PCDH10: variants seen among roughly 807,000 people sequenced by gnomAD.
PCDH10 encodes the protein protocadherin-10.
A neutral mutation model predicts 74.4 loss-of-function variants in PCDH10; 15 were observed. That is an observed-to-expected ratio of 0.20 (90% confidence interval 0.13 to 0.31). PCDH10 has a LOEUF of 0.31. Ranked by LOEUF, PCDH10 falls within the 10% of genes least tolerant of loss-of-function variation. The pLI, the probability that PCDH10 is intolerant of heterozygous loss-of-function variation, is 1.00. For missense variants in PCDH10, 1,260 were observed against 1,390.2 expected (o/e 0.91, Z 1.49); for synonymous variants, 619 against 589.8 (o/e 1.05, Z -0.72).
chr4:133,177,292 C>T (rs1211901900), intron 4 of PCDH10, among the ~76,000 whole-genome samples: 1 of 152,102 alleles, frequency 6.6e-6, no homozygotes, highest in African/African-American at 2.4e-5. Context: ...ATCTTATTAT[C>T]TAATAAACCT....
At chr4:133,200,654 G>A (rs939833691) in intron 2 of PCDH10, among the ~76,000 whole-genome samples, 5 of 152,010 alleles carry the variant, frequency 3.3e-5, no homozygotes, top group African/African-American at 9.7e-5. Context: ...GCAGAACAGG[G>A]CCTTAAAAAT....
At chr4:133,185,073 ATAT>A (rs1727514767) in intron 4 of PCDH10, among the ~76,000 whole-genome samples, 1 of 148,608 alleles carries the variant, frequency 6.7e-6, no homozygotes, top group South Asian at 2.1e-4. Flanking sequence ...AACACTTTGA[ATAT>A]TATTATTTGA....
At chr4:133,165,616 T>C (rs1359018316) in intron 4 of PCDH10, among the ~76,000 whole-genome samples, 4 of 151,004 alleles carry the variant, frequency 2.6e-5, no homozygotes, top group East Asian at 2.1e-4. Flanking sequence ...TGAATAATTA[T>C]TAAAGTTGTA....
chr4:133,174,282 C>CAT (rs2125867588), intron 4 of PCDH10, among the ~76,000 whole-genome samples: 1 of 151,838 alleles, frequency 6.6e-6, no homozygotes, highest in East Asian at 1.9e-4. Context: ...TCTTATATGC[C>CAT]ATATATAATT....
At chr4:133,165,829 T>C (rs1727068884) in intron 4 of PCDH10, among the ~76,000 whole-genome samples, 1 of 151,736 alleles carries the variant, frequency 6.6e-6, no homozygotes, top group Admixed American at 6.6e-5. Context: ...AAATAACTTT[T>C]GATTTCTATA....
chr4:133,180,747 T>C (rs1052885446), intron 4 of PCDH10, among the ~76,000 whole-genome samples: 7 of 151,992 alleles, frequency 4.6e-5, no homozygotes, highest in African/African-American at 1.7e-4. Context: ...TGCTATGTAA[T>C]TAAATGTTTA....
At chr4:133,161,231 A>G (rs114552680) in intron 3 of PCDH10, among the ~76,000 whole-genome samples, 2,044 of 152,274 alleles carry the variant, frequency 0.013, 52 homozygotes, top group Admixed American at 0.071. Flanking sequence ...TCAGTGAAAT[A>G]TTATAATCAA....
At position 133,150,857 on chromosome 4, in the gene PCDH10, A is replaced by G; in HGVS notation, c.717A>G (p.Arg239=). 1 of 1,605,922 alleles carries G rather than the reference A, an allele frequency of 6.2e-7. No individual in the cohort carries two copies. The highest frequency in any genetic ancestry group is 8.5e-7 in the Non-Finnish European group (1 of 1,177,246). ...QRTGTALLTI[R]VLDSNDNVPA... is the part of the protein sequence containing the mutation. ...CCGGCACGGCCCTACTCACCATCCG[A>G]GTGCTGGACTCCAATGACAATGTGC... Residue 239 remains arginine, a synonymous_variant, in exon 1 of 5, where the codon CGA becomes CGG. Coordinates refer to ENST00000264360, the MANE Select transcript of PCDH10 (RefSeq NM_032961.3).
intron 4 of PCDH10, among the ~76,000 whole-genome samples, chr4:133,187,465 G>T (rs912105603): frequency 4.6e-5 from 7 of 152,010 alleles, no homozygotes; most frequent in African/African-American, 1.7e-4. Context: ...CTTCATAAAT[G>T]TAAGATTAGC....
chr4:133,161,467 A>T (rs1726969217), intron 3 of PCDH10, among the ~76,000 whole-genome samples: 1 of 152,012 alleles, frequency 6.6e-6, no homozygotes, highest in South Asian at 2.1e-4. Context: ...TATTTTATAT[A>T]TGCAGATAAC....
chr4:133,196,551 T>C (rs1444896464), downstream of PCDH10, among the ~76,000 whole-genome samples: 1 of 152,202 alleles, frequency 6.6e-6, no homozygotes, highest in Admixed American at 6.6e-5. Context: ...GGTCAGAATC[T>C]TGTAGCCTCC....
chr4:133,182,917 T>G (rs1727446504), intron 4 of PCDH10, among the ~76,000 whole-genome samples: 1 of 152,116 alleles, frequency 6.6e-6, no homozygotes, highest in Non-Finnish European at 1.5e-5. Context: ...CAAAATTCTA[T>G]GCTAGTACAT....
intron 4 of PCDH10, among the ~76,000 whole-genome samples, chr4:133,173,841 A>C (rs1359640311): frequency 6.6e-6 from 1 of 151,884 alleles, no homozygotes; most frequent in Non-Finnish European, 1.5e-5. Context: ...AGATGCATAG[A>C]GTATAAATGC....
chr4:133,206,329 T>C (rs1388809328), intron 2 of PCDH10, among the ~76,000 whole-genome samples: 1 of 152,186 alleles, frequency 6.6e-6, no homozygotes, highest in Non-Finnish European at 1.5e-5. Flanking sequence ...TCAACCTCCT[T>C]AGAGAATAAT....
intron 3 of PCDH10, among the ~76,000 whole-genome samples, chr4:133,157,263 ATTTTG>A (rs1340207173): frequency 1.3e-5 from 2 of 152,190 alleles, no homozygotes; most frequent in African/African-American, 4.8e-5. Context: ...TGTAAGAATA[ATTTTG>A]AAGTGTTTTC....
chr4:133,172,468 A>T (rs1337429487), intron 4 of PCDH10, among the ~76,000 whole-genome samples: 1 of 151,936 alleles, frequency 6.6e-6, no homozygotes. Context: ...AAAGTACAAA[A>T]ATCATAAATG....
downstream of PCDH10, among the ~76,000 whole-genome samples, chr4:133,195,202 G>A (rs1727770789): frequency 6.6e-6 from 1 of 151,992 alleles, no homozygotes; most frequent in Non-Finnish European, 1.5e-5. Flanking sequence ...TAACTACAAG[G>A]TAATAGAAGA....
chr4:133,150,798 G>C lies in PCDH10; in HGVS notation c.658G>C (p.Gly220Arg), dbSNP rs141457827. 2.4e-4 allele frequency: 381 copies of C among 1,581,600 alleles called. 2 individuals carry two copies. In the Middle Eastern group the frequency reaches 3.4e-3, roughly 14 times the overall value. The part of the protein sequence containing the change: ...GGVGEGGGGG[G>R]GAGLPPQQQR... ...AGTAGGAGAAGGAGGGGGAGGTGGCGGGGGAGCAGGCCTGCCCCCCCAGCA... is the reference window on the plus strand; with the variant it reads ...AGTAGGAGAAGGAGGGGGAGGTGGCCGGGGAGCAGGCCTGCCCCCCCAGCA... Residue 220 changes from glycine (G) to arginine (R), a missense_variant, in exon 1 of 5, where the codon GGG becomes CGG. Around this residue, in one of 11 missense-constraint regions of PCDH10, gnomAD observed 192 missense variants for 161.2 expected, o/e 1.19. Transcript: ENST00000264360.
chr4:133,194,565 A>T lies in PCDH10; in HGVS notation c.*4405A>T. ...GAGTGTAAATGTAATAAATTATTTT[A>T]TACTGCTGTATACATATGAAATAAA... On this transcript the variant is annotated 3_prime_UTR_variant, in exon 5 of 5. Transcript: ENST00000264360. The T allele has an allele frequency of 6.6e-6, 1 of 152,094 alleles. No individual in the cohort carries two copies. The highest frequency in any genetic ancestry group is 2.4e-5 in the African/African-American group (1 of 41,568). 9.4% of individuals were successfully genotyped at this position (152,094 alleles called of 1,614,324 possible).
Sources: allele counts gnomAD v4.1 joint callset (sites outside exome capture counted in the v4.1 genomes callset), GRCh38; gene constraint gnomAD v4.1.1; regional missense constraint gnomAD v4.1.1; transcripts MANE v1.5; gene names NCBI Gene and HGNC (gene_info 2026-07-23, HGNC 2026-07-21).